The following CLVS1 variants were observed in gnomAD, a reference collection of about 807,000 sequenced individuals.
CLVS1 encodes the protein clavesin 1.
A neutral mutation model predicts 33.1 loss-of-function variants in CLVS1; 10 were observed. That is an observed-to-expected ratio of 0.30 (90% CI 0.19 to 0.51). The LOEUF is 0.51. CLVS1 is among the 20% of genes least tolerant of loss of function. The pLI is 0.97. For missense variants in CLVS1, 343 were observed against 433.4 expected (o/e 0.79, Z 1.85); for synonymous variants, 163 against 166.1 (o/e 0.98, Z 0.14).
At chr8:61,342,869 G>A (rs78709911) in intron 2 of CLVS1, among the ~76,000 whole-genome samples, 1 of 152,178 alleles carries the variant, frequency 6.6e-6, no homozygotes, top group African/African-American at 2.4e-5. Context: ...ACTTTGAAAG[G>A]ATAGAACAAT....
chr8:61,011,855 G>A, the CLVS1 span, among the ~76,000 whole-genome samples: 1 of 152,192 alleles, frequency 6.6e-6, no homozygotes, highest in Admixed American at 6.5e-5. Context: ...AAAGTAATTG[G>A]GTGTTGGGGA....
chr8:61,123,360 C>G (rs1805912425), intron 1 of CLVS1, among the ~76,000 whole-genome samples: 1 of 152,172 alleles, frequency 6.6e-6, no homozygotes, highest in South Asian at 2.1e-4. Flanking sequence ...TCAATTCAAT[C>G]AGTAACGTTG....
At chr8:61,391,011 A>G (rs1350321738) in intron 3 of CLVS1, 1 of 149,282 alleles carries the variant, frequency 6.7e-6, no homozygotes, top group East Asian at 2.0e-4. Flanking sequence ...ATTTTAGTCT[A>G]TCTGGAATTT....
the CLVS1 span, among the ~76,000 whole-genome samples, chr8:60,995,250 G>T: frequency 2.0e-5 from 3 of 151,920 alleles, no homozygotes; most frequent in East Asian, 1.9e-4. Context: ...GAAAATTTTT[G>T]CAACCTACTC....
chr8:61,223,449 C>T (rs372086524), intron 2 of CLVS1, among the ~76,000 whole-genome samples: 3 of 152,182 alleles, frequency 2.0e-5, no homozygotes, highest in Non-Finnish European at 4.4e-5. Context: ...CCTAGTTTCA[C>T]TGGATATGAA....
chr8:61,127,100 C>T (rs1419370666), intron 1 of CLVS1, among the ~76,000 whole-genome samples: 1 of 152,128 alleles, frequency 6.6e-6, no homozygotes, highest in African/African-American at 2.4e-5. Flanking sequence ...AGTAACTGTG[C>T]TGGGTAAACA....
At chr8:61,406,365 G>T (rs141188416) in intron 3 of CLVS1, among the ~76,000 whole-genome samples, 1 of 152,284 alleles carries the variant, frequency 6.6e-6, no homozygotes, top group East Asian at 1.9e-4. Flanking sequence ...ATAAGTTCAT[G>T]ACCCATTACT....
chr8:61,256,504 C>T (rs953425401), intron 2 of CLVS1, among the ~76,000 whole-genome samples: 7 of 152,126 alleles, frequency 4.6e-5, no homozygotes, highest in African/African-American at 1.4e-4. Context: ...CAGAGCGAGA[C>T]TCCGTCTCAA....
intron 2 of CLVS1, among the ~76,000 whole-genome samples, chr8:61,218,863 G>C (rs964204808): frequency 6.6e-6 from 1 of 151,876 alleles, no homozygotes; most frequent in Non-Finnish European, 1.5e-5. Context: ...ATAACCGCTT[G>C]AACCCGGGAG....
chr8:61,213,346 A>G, intron 2 of CLVS1, among the ~76,000 whole-genome samples: 1 of 26,972 alleles, frequency 3.7e-5, no homozygotes, highest in Admixed American at 4.3e-4. Context: ...TCCCCGCCTC[A>G]ACCTCCCAAA....
chr8:61,118,812 G>T (rs1439288993), intron 1 of CLVS1, among the ~76,000 whole-genome samples: 16 of 152,178 alleles, frequency 1.1e-4, no homozygotes, highest in South Asian at 4.1e-4. Context: ...AGTTTTGGAA[G>T]AGGTGTGGTG....
chr8:61,032,288 A>C, the CLVS1 span, among the ~76,000 whole-genome samples: 3 of 152,192 alleles, frequency 2.0e-5, no homozygotes, highest in Admixed American at 2.0e-4. Context: ...TTGTGTTAAA[A>C]TATTCCTGCC....
At chr8:61,410,070 T>TC (rs1815158504) in intron 3 of CLVS1, among the ~76,000 whole-genome samples, 3 of 150,310 alleles carry the variant, frequency 2.0e-5, no homozygotes, top group Admixed American at 1.3e-4. Context: ...GCAGAGGTTT[T>TC]TTTTTTTTTT....
intron 2 of CLVS1, among the ~76,000 whole-genome samples, chr8:61,139,514 C>A (rs1385087806): frequency 6.6e-6 from 1 of 152,308 alleles, no homozygotes; most frequent in African/African-American, 2.4e-5. Flanking sequence ...AAAGTGGTGG[C>A]GCTGCCAGCA....
intron 3 of CLVS1, among the ~76,000 whole-genome samples, chr8:61,435,022 T>A (rs1816270385): frequency 6.6e-6 from 1 of 152,140 alleles, no homozygotes; most frequent in Non-Finnish European, 1.5e-5. Context: ...TAAGTCACAA[T>A]ATATAGGGTC....
At chr8:61,163,794 A>G (rs1362306724) in intron 2 of CLVS1, among the ~76,000 whole-genome samples, 1 of 152,190 alleles carries the variant, frequency 6.6e-6, no homozygotes, top group Non-Finnish European at 1.5e-5. Flanking sequence ...GCCGTTGGGG[A>G]GTACCAATGG....
chr8:60,976,148 T>A, the CLVS1 span, among the ~76,000 whole-genome samples: 4 of 152,228 alleles, frequency 2.6e-5, no homozygotes, highest in Admixed American at 1.3e-4. Flanking sequence ...TACCAGCATA[T>A]TTCATACTTT....
intron 2 of CLVS1, among the ~76,000 whole-genome samples, chr8:61,343,012 C>T (rs1368376047): frequency 6.6e-6 from 1 of 152,176 alleles, no homozygotes; most frequent in Non-Finnish European, 1.5e-5. Context: ...CACCTGTTTT[C>T]AGGTATTAAC....
chr8:61,067,185 T>G (rs554937557), intron 1 of CLVS1, among the ~76,000 whole-genome samples: 2 of 152,282 alleles, frequency 1.3e-5, no homozygotes, highest in African/African-American at 4.8e-5. Flanking sequence ...CTAATTGTAT[T>G]GTAATTTTAC....
Sources: gnomAD v4.1 joint callset for allele counts (sites outside exome capture counted in the v4.1 genomes callset) on GRCh38, gnomAD v4.1.1 for gene constraint, MANE v1.5 for transcripts, NCBI Gene and HGNC (gene_info 2026-07-23, HGNC 2026-07-21) for gene names.